Variants in PAPPA observed in about 807,000 individuals in gnomAD.
The protein encoded by PAPPA is pappalysin-1.
A neutral mutation model predicts 164.0 loss-of-function variants in PAPPA; 60 were observed. The ratio of observed to expected loss-of-function variants is 0.37; its 90% CI spans 0.30 to 0.45. PAPPA has a LOEUF of 0.45. Among genes scored for constraint, PAPPA ranks in the 20% least tolerant of loss-of-function variants. The probability of loss-of-function intolerance (pLI) is 1.00; values close to 1 mark genes in which losing one functional copy is unlikely to be tolerated. For synonymous variants in PAPPA, 875 were observed against 814.1 expected (o/e 1.07, Z -1.27); for missense variants, 1,782 against 2,087.3 (o/e 0.85, Z 2.85).
rs3747829 is a variant in PAPPA at position 116,363,676 on chromosome 9, T to C, written c.4495+937T>C. Among the ~76,000 whole-genome samples the C allele has an allele frequency of 3.5e-3, 533 of 152,330 alleles. 19 individuals are homozygous for C. In the South Asian group the frequency reaches 0.07, roughly 20 times the overall value. The stretch of plus-strand genomic sequence containing the variant: ...CCTTTCTCCTGGCCAATATGATTTA[T>C]AGAGCAATCACCAGGGGTGTCTGGT... On this transcript the variant is annotated intron_variant, in intron 18 of 21. Coordinates refer to ENST00000328252, the MANE Select transcript of PAPPA (RefSeq NM_002581.5).
chr9:116,156,792 C>G (rs1218962857), intron 1 of PAPPA, among the ~76,000 whole-genome samples: 1 of 152,172 alleles, frequency 6.6e-6, no homozygotes, highest in East Asian at 1.9e-4. Flanking sequence ...GAACCTGCTT[C>G]TCCTTGAATT....
intron 21 of PAPPA, among the ~76,000 whole-genome samples, chr9:116,390,425 T>TAAA (rs1171583759): frequency 6.6e-6 from 1 of 152,114 alleles, no homozygotes; most frequent in African/African-American, 2.4e-5. Flanking sequence ...GGAAAAGGGA[T>TAAA]AAAAGATAAG....
At chr9:116,295,146 A>G (rs1845485909) in intron 9 of PAPPA, among the ~76,000 whole-genome samples, 1 of 152,182 alleles carries the variant, frequency 6.6e-6, no homozygotes, top group Admixed American at 6.5e-5. Context: ...TTCCCAGACT[A>G]GTTATATTTA....
intron 5 of PAPPA, among the ~76,000 whole-genome samples, chr9:116,226,272 G>T (rs1354586290): frequency 2.0e-5 from 3 of 152,154 alleles, no homozygotes; most frequent in African/African-American, 7.2e-5. Context: ...CTTGAGGTTT[G>T]GGGATGATCT....
intron 10 of PAPPA, among the ~76,000 whole-genome samples, chr9:116,313,323 C>T (rs1434895474): frequency 6.6e-6 from 1 of 152,100 alleles, no homozygotes; most frequent in African/African-American, 2.4e-5. Context: ...CCAAACATGA[C>T]TCATATGTGC....
chr9:116,174,519 T>C (rs1182270454), intron 1 of PAPPA, among the ~76,000 whole-genome samples: 1 of 152,112 alleles, frequency 6.6e-6, no homozygotes, highest in African/African-American at 2.4e-5. Context: ...TTAGAATGGG[T>C]ACAGGTGTTC....
Position 116,188,149 on chromosome 9 carries a change from G to A in PAPPA, c.1411G>A (p.Gly471Arg). 1 of 1,614,188 alleles carries A rather than the reference G, an allele frequency of 6.2e-7. No homozygotes were observed. The highest frequency in any genetic ancestry group is 8.5e-7 in the Non-Finnish European group (1 of 1,180,028). The stretch of plus-strand genomic sequence containing the variant: ...CTATGAACGGTTCAACTTTGATGGT[G>A]GAGAGTGCTGTGACCCTGAAATCAC... ...CNYERFNFDGGECCDPEITNV... is the reference protein window; with the variant it reads ...CNYERFNFDGRECCDPEITNV... Residue 471 changes from glycine to arginine, a missense_variant, in exon 2 of 22, where the codon GGA becomes AGA. Transcript: ENST00000328252.
At chr9:116,199,274 G>C (rs1326628897) in intron 2 of PAPPA, among the ~76,000 whole-genome samples, 1 of 152,186 alleles carries the variant, frequency 6.6e-6, no homozygotes, top group East Asian at 1.9e-4. Flanking sequence ...CAAAGGACAT[G>C]CCGTTGGCAG....
intron 19 of PAPPA, among the ~76,000 whole-genome samples, chr9:116,376,818 A>G (rs1009635273): frequency 5.9e-5 from 9 of 152,168 alleles, no homozygotes; most frequent in Non-Finnish European, 1.3e-4. Context: ...GAACGAATTC[A>G]CTGTGGGCAA....
At chr9:116,329,640 C>T (rs1378350261) in intron 10 of PAPPA, among the ~76,000 whole-genome samples, 1 of 151,958 alleles carries the variant, frequency 6.6e-6, no homozygotes, top group Non-Finnish European at 1.5e-5. Context: ...TATAGTTTTG[C>T]TTTGTGTTAT....
chr9:116,227,827 A>G (rs1429838641), intron 6 of PAPPA, among the ~76,000 whole-genome samples: 2 of 152,198 alleles, frequency 1.3e-5, no homozygotes, highest in Non-Finnish European at 2.9e-5. Flanking sequence ...CCTGATACAA[A>G]CACAGTGTCT....
At chr9:116,164,657 C>A (rs1843701254) in intron 1 of PAPPA, among the ~76,000 whole-genome samples, 1 of 152,198 alleles carries the variant, frequency 6.6e-6, no homozygotes, top group Non-Finnish European at 1.5e-5. Context: ...CATTCCTATG[C>A]CTGTCCCGTA....
At chr9:116,385,476 T>C (rs1846797674) in intron 21 of PAPPA, among the ~76,000 whole-genome samples, 1 of 152,036 alleles carries the variant, frequency 6.6e-6, no homozygotes, top group African/African-American at 2.4e-5. Flanking sequence ...AACTTTACCG[T>C]ATACATATAT....
chr9:116,267,383 G>A (rs1441655621), intron 8 of PAPPA, among the ~76,000 whole-genome samples: 2 of 152,232 alleles, frequency 1.3e-5, no homozygotes, highest in African/African-American at 4.8e-5. Flanking sequence ...TGCCAGCAGT[G>A]TTCTTTCTGA....
rs1846220743 is a variant in PAPPA at position 116,347,109 on chromosome 9, A to G, written c.3864A>G (p.Pro1288=). ...GTGAGCCAGTCGACTGCAGCATCCC[A>G]GATCACCATCAAGTCTATGCTGCCT... ...VACEPVDCSI[P]DHHQVYAASF... The change falls in exon 15 of 22, where the codon CCA becomes CCG. Residue 1288 remains proline, a synonymous_variant. Transcript: ENST00000328252. The surrounding 1 kb of genome is among the most constrained non-coding windows in gnomAD (Gnocchi z 4.5). 6.2e-7 allele frequency: 1 copy of G among 1,614,160 alleles called. No individual in the cohort carries two copies.
intron 5 of PAPPA, among the ~76,000 whole-genome samples, chr9:116,221,897 G>A (rs1340004873): frequency 6.6e-6 from 1 of 152,072 alleles, no homozygotes; most frequent in Non-Finnish European, 1.5e-5. Context: ...ATCAGGAAAA[G>A]GCAAATTAAA....
At chr9:116,163,686 C>T (rs759300336) in intron 1 of PAPPA, among the ~76,000 whole-genome samples, 1 of 152,170 alleles carries the variant, frequency 6.6e-6, no homozygotes, top group Non-Finnish European at 1.5e-5. Context: ...CTAGGTGGTG[C>T]CTGTGCCTGT....
intron 21 of PAPPA, among the ~76,000 whole-genome samples, chr9:116,385,374 C>T (rs1846795429): frequency 6.6e-6 from 1 of 152,100 alleles, no homozygotes; most frequent in Admixed American, 6.5e-5. Context: ...GGAAAGTTCT[C>T]TGACCTCATG....
chr9:116,366,054 A>T (rs1307051059), intron 18 of PAPPA, among the ~76,000 whole-genome samples: 7 of 152,204 alleles, frequency 4.6e-5, no homozygotes, highest in Admixed American at 4.6e-4. Context: ...GGACTTTAAA[A>T]TAGCTAATAG....
Sources: gnomAD v4.1 joint callset for allele counts (sites outside exome capture counted in the v4.1 genomes callset) on GRCh38, gnomAD v4.1.1 for gene constraint, Gnocchi (gnomAD v3.1) non-coding constraint, MANE v1.5 for transcripts, NCBI Gene and HGNC (gene_info 2026-07-23, HGNC 2026-07-21) for gene names.